SRP9: variants seen among roughly 807,000 people sequenced by gnomAD.
SRP9 encodes signal recognition particle 9.
A neutral mutation model predicts 11.7 loss-of-function variants in SRP9; 2 were observed. The ratio of observed to expected loss-of-function variants is 0.17; its 90% CI spans 0.07 to 0.54. The LOEUF (loss-of-function observed/expected upper bound fraction) is 0.54, where lower values mean the gene tolerates loss of function less well. Ranked by LOEUF, SRP9 falls within the 20% of genes least tolerant of loss-of-function variation. SRP9 has a pLI of 0.94. For synonymous variants in SRP9, 27 were observed against 35.6 expected, an observed-to-expected ratio of 0.76 and a Z score of 0.86; for missense variants, 54 against 108.1, an observed-to-expected ratio of 0.50 and a Z score of 2.22.
Position 225,789,338 on chromosome 1 carries a change from T to C in SRP9, c.240T>C (p.Asn80=). The C allele has an allele frequency of 1.2e-6, 2 of 1,603,246 alleles. No individual in the cohort carries two copies. The highest frequency in any genetic ancestry group is 1.7e-6 in the Non-Finnish European group (2 of 1,175,914). ...TTATGGTAGCCAAGGAAGCCCGCAATGTTACCATGGAAACTGAGTGAATGG... is the reference window on the plus strand; with the variant it reads ...TTATGGTAGCCAAGGAAGCCCGCAACGTTACCATGGAAACTGAGTGAATGG... The part of the protein sequence containing the change: ...MRLMVAKEAR[N]VTMETE Residue 80 remains asparagine, a synonymous_variant, in exon 3 of 3, where the codon AAT becomes AAC. Transcript: ENST00000304786.
chr1:225,786,934 C>T (rs550057644), intron 2 of SRP9: 2 of 742,278 alleles, frequency 2.7e-6, no homozygotes, highest in African/African-American at 3.7e-5. Flanking sequence ...CCTCGACCTC[C>T]TGGGCTCAAG....
At chr1:225,789,115 C>T in intron 2 of SRP9, 125 bp from the exon 3 acceptor site, 1 of 1,551,458 alleles carries the variant, frequency 6.4e-7, no homozygotes, top group Non-Finnish European at 8.7e-7. Context: ...CTAGTACGAC[C>T]TCCAAGGAGA....
intron 2 of SRP9, among the ~76,000 whole-genome samples, chr1:225,786,186 A>C (rs1029627204): frequency 6.6e-6 from 1 of 152,142 alleles, no homozygotes; most frequent in African/African-American, 2.4e-5. Context: ...TCCACCCCTA[A>C]TGTGGCCAGA....
rs1575951997 is a variant in SRP9 at position 225,782,011 on chromosome 1, G to A, written c.73-1289G>A. On this transcript the variant is annotated intron_variant, in intron 1 of 2. Coordinates refer to ENST00000304786, the MANE Select transcript of SRP9 (RefSeq NM_003133.6). Reference sequence around the variant, plus strand: ...TTTCAGTCTCAGGAATGCAAAGACCGTAATGGGGAAAGCTGTAGGTTGCAG... The same window carrying A: ...TTTCAGTCTCAGGAATGCAAAGACCATAATGGGGAAAGCTGTAGGTTGCAG... 2.0e-5 allele frequency among the ~76,000 whole-genome samples: 3 copies of A among 151,976 alleles called. No homozygotes were observed. In the East Asian group the frequency reaches 5.8e-4, roughly 29 times the overall value.
chr1:225,786,743 A>G (rs1474033037), intron 2 of SRP9: 1 of 1,167,460 alleles, frequency 8.6e-7, no homozygotes, highest in African/African-American at 1.6e-5. Context: ...GTAAAGTATC[A>G]TAGTGATAGT....
chr1:225,789,130 A>G, intron 2 of SRP9, 110 bp from the exon 3 acceptor site: 2 of 1,551,726 alleles, frequency 1.3e-6, no homozygotes, highest in Non-Finnish European at 1.7e-6. Context: ...AGGAGAATAG[A>G]GCAAAACAGT....
In SRP9 at chr1:225,789,305, A is replaced by G. The variant is rs767574296; in HGVS notation, c.207A>G (p.Leu69=). 6.2e-7 allele frequency: 1 copy of G among 1,607,826 alleles called. No homozygotes were observed. Residue 69 remains leucine (L), a synonymous_variant, in exon 3 of 3, where the codon CTA becomes CTG. Transcript: ENST00000304786. The stretch of plus-strand genomic sequence containing the variant: ...AGATTGAGAAATTCCACAGTCAACT[A>G]ATGCGACTTATGGTAGCCAAGGAAG... ...VKKIEKFHSQ[L]MRLMVAKEAR...
At chr1:225,783,043 G>A (rs1665829911) in intron 1 of SRP9, among the ~76,000 whole-genome samples, 1 of 151,932 alleles carries the variant, frequency 6.6e-6, no homozygotes, top group African/African-American at 2.4e-5. Flanking sequence ...TTTTGAGAAT[G>A]TTCAGTACAT....
chr1:225,781,829 A>T (rs1285154239), intron 1 of SRP9, among the ~76,000 whole-genome samples: 1 of 152,214 alleles, frequency 6.6e-6, no homozygotes, highest in Non-Finnish European at 1.5e-5. Flanking sequence ...CTGAATTTTT[A>T]AAATGTGTAA....
At chr1:225,778,126 A>G (rs1025030768) in intron 1 of SRP9, 114 bp downstream of exon 1, 8 of 1,145,862 alleles carry the variant, frequency 7.0e-6, no homozygotes, top group South Asian at 2.8e-5. Context: ...AATGAACACA[A>G]ATGGACCCTG....
intron 2 of SRP9, among the ~76,000 whole-genome samples, chr1:225,785,127 AGTGGGCGATCTCTGCTCACTGCAGCCTC>A (rs1284547030): frequency 6.6e-6 from 1 of 151,214 alleles, no homozygotes; most frequent in African/African-American, 2.4e-5. Flanking sequence ...GCTGGAGTGC[AGTGGGCGATCTCTGCTCACTGCAGCCTC>A]CACCTCCTGG....
chr1:225,782,227 G>A (rs575818403), intron 1 of SRP9, among the ~76,000 whole-genome samples: 47 of 151,900 alleles, frequency 3.1e-4, no homozygotes, highest in African/African-American at 1.1e-3. Flanking sequence ...GCAATGGTGC[G>A]ATCTCGGCTC....
chr1:225,788,972 G>A, intron 2 of SRP9: 1 of 1,543,336 alleles, frequency 6.5e-7, no homozygotes, highest in Non-Finnish European at 8.7e-7. Flanking sequence ...ACCATAGCAG[G>A]ATTTAACATT....
At chr1:225,785,369 G>A (rs1343674464) in intron 2 of SRP9, among the ~76,000 whole-genome samples, 5 of 150,698 alleles carry the variant, frequency 3.3e-5, no homozygotes, top group Non-Finnish European at 5.9e-5. Context: ...GAGCCACTGC[G>A]CCTGGCCTTT....
rs147346025 is a variant in SRP9, at chr1:225,786,890, T to C, written c.142-2350T>C. 7.0e-4 allele frequency: 784 copies of C among 1,112,168 alleles called. 2 individuals carry two copies. In the African/African-American group the frequency reaches 0.011, roughly 16 times the overall value. 68.9% of individuals were successfully genotyped at this position (1,112,168 alleles called of 1,614,324 possible). ...CAGTGTCTTGCTCTATTGCTCAGGC[T>C]GCAGTGCAGTGGCATGATCATAGCT... On this transcript the variant is annotated intron_variant, in intron 2 of 2. Transcript: ENST00000304786.
At chr1:225,781,304 C>A (rs778481277) in intron 1 of SRP9, among the ~76,000 whole-genome samples, 21 of 150,560 alleles carry the variant, frequency 1.4e-4, no homozygotes, top group Non-Finnish European at 2.2e-4. Context: ...ATTTTTCTTT[C>A]TTTATGGCAT....
chr1:225,786,918 C>CT (rs1342810906), intron 2 of SRP9: 1 of 902,896 alleles, frequency 1.1e-6, no homozygotes, highest in Non-Finnish European at 1.6e-6. Context: ...TCATAGCTCA[C>CT]TGCATCCTCG....
At position 225,777,866 on chromosome 1, in the gene SRP9, A is replaced by C. The variant is rs1438409508; in HGVS notation, c.-75A>C. 1 of 1,430,700 alleles carries C rather than the reference A, an allele frequency of 7.0e-7. No homozygotes were observed. Among genetic ancestry groups the C allele is most frequent in the African/African-American group, 1.4e-5 (1 of 70,644 alleles). The allele number at this position is 1,430,700 out of a possible 1,614,324, so 88.6% of individuals were successfully genotyped here. Reference sequence around the variant, plus strand: ...CTGCTGGGACTCGCGTCGGTTGGCGACTCCCGGACGTAGGTAGTTTGTTGG... The same window carrying C: ...CTGCTGGGACTCGCGTCGGTTGGCGCCTCCCGGACGTAGGTAGTTTGTTGG... On this transcript the variant is annotated 5_prime_UTR_variant, in exon 1 of 3. Coordinates refer to ENST00000304786, the MANE Select transcript of SRP9 (RefSeq NM_003133.6).
At chr1:225,787,299 C>G (rs1189624413) in intron 2 of SRP9, among the ~76,000 whole-genome samples, 1 of 152,090 alleles carries the variant, frequency 6.6e-6, no homozygotes, top group Admixed American at 6.6e-5. Flanking sequence ...TTTTGGGAGG[C>G]TGAGGTGGGC....
Sources: allele counts gnomAD v4.1 joint callset (sites outside exome capture counted in the v4.1 genomes callset), GRCh38; gene constraint gnomAD v4.1.1; transcripts MANE v1.5; gene names NCBI Gene and HGNC (gene_info 2026-07-23, HGNC 2026-07-21).